Variants in KCNIP4 observed in about 807,000 individuals in gnomAD.
The protein encoded by KCNIP4 is potassium voltage-gated channel interacting protein 4.
In KCNIP4, 12 loss-of-function variants were observed where a neutral mutation model predicts 34.0. The observed-to-expected ratio is 0.35, with a 90% CI of 0.23 to 0.57. The LOEUF is 0.57. KCNIP4 is among the 20% of genes least tolerant of loss of function. The pLI is 0.83. For synonymous variants in KCNIP4, 124 were observed against 102.2 expected (o/e 1.21, Z -1.29); for missense variants, 238 against 311.7 (o/e 0.76, Z 1.78).
At chr4:21,775,875 C>T (rs948788438) in intron 1 of KCNIP4, among the ~76,000 whole-genome samples, 2 of 152,190 alleles carry the variant, frequency 1.3e-5, no homozygotes, top group African/African-American at 4.8e-5. Context: ...GGGAGCTTAG[C>T]ATTTTAGGTA....
intron 1 of KCNIP4, among the ~76,000 whole-genome samples, chr4:21,387,433 T>A (rs1455176695): frequency 1.3e-5 from 2 of 152,212 alleles, no homozygotes; most frequent in African/African-American, 2.4e-5. Context: ...TCTCCTAAAA[T>A]ACACTTGGTT....
chr4:20,915,949 G>A (rs1236503580), intron 1 of KCNIP4, among the ~76,000 whole-genome samples: 1 of 152,088 alleles, frequency 6.6e-6, no homozygotes, highest in Non-Finnish European at 1.5e-5. Flanking sequence ...GAGTTGAAAG[G>A]TCTTTTCAAA....
chr4:21,132,034 G>A (rs2109175758), intron 1 of KCNIP4, among the ~76,000 whole-genome samples: 1 of 152,276 alleles, frequency 6.6e-6, no homozygotes, highest in Non-Finnish European at 1.5e-5. Flanking sequence ...GAGATTGTGT[G>A]TGAAAGATGG....
At chr4:21,789,070 C>CAAAAAAAAAAAAAAAAAAA (rs35630701) in intron 1 of KCNIP4, among the ~76,000 whole-genome samples, 1 of 93,942 alleles carries the variant, frequency 1.1e-5, no homozygotes, top group Non-Finnish European at 2.0e-5. Context: ...GAGATTCTGT[C>CAAAAAAAAAAAAAAAAAAA]AAAAAAAAAA....
chr4:21,927,669 AC>A (rs1197441469), intron 1 of KCNIP4, among the ~76,000 whole-genome samples: 3 of 152,128 alleles, frequency 2.0e-5, no homozygotes, highest in Non-Finnish European at 4.4e-5. Context: ...TATTCGGTTT[AC>A]TTTTTTACTT....
At chr4:21,020,837 C>T (rs1196051168) in intron 1 of KCNIP4, among the ~76,000 whole-genome samples, 1 of 151,926 alleles carries the variant, frequency 6.6e-6, no homozygotes, top group Non-Finnish European at 1.5e-5. Context: ...GTAGCAAAGC[C>T]AAGGAGAAGT....
At chr4:21,360,415 T>C (rs1450632432) in intron 1 of KCNIP4, among the ~76,000 whole-genome samples, 3 of 152,098 alleles carry the variant, frequency 2.0e-5, no homozygotes, top group Non-Finnish European at 4.4e-5. Flanking sequence ...GTAAAAGTAA[T>C]TCAGAACTCT....
intron 1 of KCNIP4, among the ~76,000 whole-genome samples, chr4:21,129,223 A>G (rs1461880671): frequency 1.3e-5 from 2 of 152,152 alleles, no homozygotes; most frequent in Admixed American, 1.3e-4. Context: ...GCCTTCCACC[A>G]CGATTGTGAG....
chr4:21,224,775 C>T (rs1190589885), intron 1 of KCNIP4, among the ~76,000 whole-genome samples: 3 of 151,434 alleles, frequency 2.0e-5, no homozygotes, highest in South Asian at 2.1e-4. Context: ...TTAGTAGAGA[C>T]GGGGTTTCAC....
intron 1 of KCNIP4, among the ~76,000 whole-genome samples, chr4:21,078,260 A>T (rs1324938852): frequency 6.6e-6 from 1 of 152,104 alleles, no homozygotes; most frequent in East Asian, 1.9e-4. Flanking sequence ...AGTTTGGGTA[A>T]CTAGGATAGT....
At chr4:21,136,980 T>A (rs1461729790) in intron 1 of KCNIP4, among the ~76,000 whole-genome samples, 1 of 152,114 alleles carries the variant, frequency 6.6e-6, no homozygotes, top group East Asian at 1.9e-4. Context: ...CTTCCTTAAC[T>A]GCACACTGTG....
chr4:21,043,142 GA>G (rs905375320), intron 1 of KCNIP4, among the ~76,000 whole-genome samples: 28 of 152,112 alleles, frequency 1.8e-4, no homozygotes, highest in African/African-American at 6.3e-4. Context: ...GCATCAGGAG[GA>G]AACCAGGTTG....
intron 1 of KCNIP4, among the ~76,000 whole-genome samples, chr4:21,070,663 ATTTTTTTTTTTTTTTT>A (rs1203011253): frequency 2.0e-5 from 1 of 49,572 alleles, no homozygotes; most frequent in East Asian, 5.8e-4. Context: ...GAGTTTTGAG[ATTTTTTTTTTTTTTTT>A]TTTTTTTTTT....
intron 1 of KCNIP4, among the ~76,000 whole-genome samples, chr4:21,330,696 A>G (rs1040674151): frequency 2.6e-5 from 4 of 152,182 alleles, no homozygotes; most frequent in Non-Finnish European, 5.9e-5. Context: ...AAGAATAAGG[A>G]GCTTAACTTC....
At chr4:21,713,039 T>G (rs1713867824) in intron 1 of KCNIP4, among the ~76,000 whole-genome samples, 1 of 152,206 alleles carries the variant, frequency 6.6e-6, no homozygotes, top group South Asian at 2.1e-4. Context: ...AGGCCATCTG[T>G]GCTTTCCAGG....
At chr4:20,957,586 C>CACCAACCA (rs35032711) in intron 1 of KCNIP4, among the ~76,000 whole-genome samples, 2 of 151,124 alleles carry the variant, frequency 1.3e-5, no homozygotes, top group African/African-American at 4.9e-5. Flanking sequence ...GTAGCCTTCT[C>CACCAACCA]ACCAACCAAC....
chr4:20,916,081 GA>G (rs568307188), intron 1 of KCNIP4, among the ~76,000 whole-genome samples: 163 of 151,024 alleles, frequency 1.1e-3, no homozygotes, highest in African/African-American at 3.7e-3. Context: ...CAGCTTCAGA[GA>G]AAAAAAAATG....
chr4:20,964,762 T>C (rs1356872304), intron 1 of KCNIP4, among the ~76,000 whole-genome samples: 1 of 152,196 alleles, frequency 6.6e-6, no homozygotes, highest in Non-Finnish European at 1.5e-5. Flanking sequence ...CCAATTTTCT[T>C]AGCCTTTGAA....
At chr4:20,832,517 G>A (rs1296129285) in intron 3 of KCNIP4, among the ~76,000 whole-genome samples, 1 of 151,960 alleles carries the variant, frequency 6.6e-6, no homozygotes, top group Non-Finnish European at 1.5e-5. Context: ...TCAATGTTGT[G>A]GAATCTATAA....
Sources: gnomAD v4.1 joint callset for allele counts (sites outside exome capture counted in the v4.1 genomes callset) on GRCh38, gnomAD v4.1.1 for gene constraint, MANE v1.5 for transcripts, NCBI Gene and HGNC (gene_info 2026-07-23, HGNC 2026-07-21) for gene names.